TENM3: variants seen among roughly 807,000 people sequenced by gnomAD.
The protein encoded by TENM3 is teneurin transmembrane protein 3, also known as teneurin-3.
In TENM3, 63 loss-of-function variants were observed where a neutral mutation model predicts 255.1. That is an observed-to-expected ratio of 0.25 (90% confidence interval 0.20 to 0.30). The LOEUF (loss-of-function observed/expected upper bound fraction) is 0.30. TENM3 is among the 10% of genes least tolerant of loss of function. The pLI is 1.00. For missense variants in TENM3, 2,929 were observed against 3,461.1 expected (o/e 0.85, Z 3.86); for synonymous variants, 1,306 against 1,322.3 (o/e 0.99, Z 0.27).
At chr4:182,169,677 G>A (rs543831314) in intron 1 of TENM3, among the ~76,000 whole-genome samples, 5 of 152,064 alleles carry the variant, frequency 3.3e-5, no homozygotes, top group African/African-American at 4.8e-5. Flanking sequence ...AATAACTTCC[G>A]GTGTAATTTA....
Position 182,793,092 on chromosome 4 carries a change from A to C in TENM3, c.6420A>C (p.Thr2140=), listed in dbSNP as rs748069848. 3 of 1,614,012 alleles carry C rather than the reference A, an allele frequency of 1.9e-6. No homozygotes were observed. The highest frequency in any genetic ancestry group is 2.5e-6 in the Non-Finnish European group (3 of 1,179,896). ...ATGATGTTGATGGACAGCTCCAAAC[A>C]GTTTACCTCAATGAAAAGATAATGT... ...YEYDVDGQLQ[T]VYLNEKIMWR... is the part of the protein sequence containing the mutation. The change falls in exon 26 of 28, where the codon ACA becomes ACC. Residue 2140 remains threonine, a synonymous_variant. Transcript: ENST00000511685. This position sits in a 1 kb window ranked among gnomAD's most constrained non-coding sequence, Gnocchi z 5.7.
chr4:181,660,970 G>A, the TENM3 span, among the ~76,000 whole-genome samples: 1 of 152,046 alleles, frequency 6.6e-6, no homozygotes, highest in Non-Finnish European at 1.5e-5. Flanking sequence ...AATCCACAAT[G>A]CAACAAGCTT....
intron 3 of TENM3, among the ~76,000 whole-genome samples, chr4:182,592,748 A>G (rs2152391945): frequency 6.6e-6 from 1 of 152,298 alleles, no homozygotes; most frequent in Non-Finnish European, 1.5e-5. Context: ...ATATACAAAA[A>G]CAAAAAGTTT....
At chr4:181,627,408 C>T in the TENM3 span, among the ~76,000 whole-genome samples, 13 of 152,178 alleles carry the variant, frequency 8.5e-5, no homozygotes, top group African/African-American at 2.4e-4. Flanking sequence ...CATATGTATA[C>T]GTGTGCCATG....
intron 1 of TENM3, among the ~76,000 whole-genome samples, chr4:182,220,519 A>G (rs1755789920): frequency 6.6e-6 from 1 of 151,320 alleles, no homozygotes; most frequent in Admixed American, 6.6e-5. Flanking sequence ...CTCTTCTGGC[A>G]TCACGCAGCA....
chr4:181,567,100 CA>C, the TENM3 span, among the ~76,000 whole-genome samples: 1 of 152,110 alleles, frequency 6.6e-6, no homozygotes, highest in Non-Finnish European at 1.5e-5. Context: ...CTTTAGACAC[CA>C]TACTCTGATC....
At chr4:182,758,663 A>G (rs1762905970) in intron 22 of TENM3, among the ~76,000 whole-genome samples, 1 of 152,142 alleles carries the variant, frequency 6.6e-6, no homozygotes, top group Non-Finnish European at 1.5e-5. Flanking sequence ...TTTTTAGAGT[A>G]CCATGTGTCT....
the TENM3 span, among the ~76,000 whole-genome samples, chr4:181,648,194 A>T: frequency 6.6e-6 from 1 of 152,088 alleles, no homozygotes; most frequent in African/African-American, 2.4e-5. Context: ...GGTAATTATT[A>T]TGTCCGCACG....
the TENM3 span, among the ~76,000 whole-genome samples, chr4:181,519,394 T>A: frequency 6.6e-6 from 1 of 152,344 alleles, no homozygotes; most frequent in African/African-American, 2.4e-5. Flanking sequence ...TTGTAGCTAT[T>A]CTCATAATTA....
chr4:182,731,103 T>C lies in TENM3; in HGVS notation c.2931T>C (p.Ser977=), dbSNP rs1312506871. 1 of 1,613,922 alleles carries C rather than the reference T, an allele frequency of 6.2e-7. No homozygotes were observed. The highest frequency in any genetic ancestry group is 1.1e-5 in the South Asian group (1 of 91,080). Residue 977 remains serine, a synonymous_variant, in exon 16 of 28, where the codon TCT becomes TCC. Coordinates refer to ENST00000511685, the MANE Select transcript of TENM3 (RefSeq NM_001080477.4). Reference sequence around the variant, plus strand: ...CACCTTTATCCACCTTTTTCAGATCTTCTCCTGAAGACAGTCCCATCATTC... The same window carrying C: ...CACCTTTATCCACCTTTTTCAGATCCTCTCCTGAAGACAGTCCCATCATTC... ...VSSPLSTFFR[S]SPEDSPIIPE...
intron 3 of TENM3, among the ~76,000 whole-genome samples, chr4:182,429,660 T>C (rs976405739): frequency 2.0e-5 from 3 of 152,226 alleles, no homozygotes; most frequent in African/African-American, 7.2e-5. Context: ...GGAAAATTTC[T>C]AAATCTTTAT....
the TENM3 span, among the ~76,000 whole-genome samples, chr4:181,899,109 T>C: frequency 3.3e-5 from 5 of 152,020 alleles, no homozygotes; most frequent in South Asian, 2.1e-4. Flanking sequence ...TAAATACCAA[T>C]AATTTGGGCT....
At chr4:181,866,357 C>A in the TENM3 span, among the ~76,000 whole-genome samples, 1 of 152,166 alleles carries the variant, frequency 6.6e-6, no homozygotes, top group Non-Finnish European at 1.5e-5. Flanking sequence ...AACAACCAAA[C>A]CAACTGCTCC....
chr4:181,954,912 C>T, the TENM3 span, among the ~76,000 whole-genome samples: 5 of 152,132 alleles, frequency 3.3e-5, no homozygotes, highest in African/African-American at 4.8e-5. Context: ...GAGATACATT[C>T]GTTCATATAT....
chr4:181,931,974 C>A, the TENM3 span, among the ~76,000 whole-genome samples: 1 of 152,158 alleles, frequency 6.6e-6, no homozygotes, highest in African/African-American at 2.4e-5. Flanking sequence ...ATGCAGAAAA[C>A]TGAAACTGGA....
Position 182,679,873 on chromosome 4 carries a change from A to C in TENM3, c.1534A>C (p.Ile512Leu). ...GCAGGTGTCTTTTAATACCATTGTTATAGGTAAGAATAGTCTTCAAAGCAG... is the reference window on the plus strand; with the variant it reads ...GCAGGTGTCTTTTAATACCATTGTTCTAGGTAAGAATAGTCTTCAAAGCAG... ...AEQVSFNTIV[I>L]ESVVECPRNC... The change falls in exon 8 of 28, where the codon ATA becomes CTA. Residue 512 changes from isoleucine (I) to leucine (L), a missense_variant. Around this residue, in one of 6 missense-constraint regions of TENM3, gnomAD observed 1,608 missense variants for 1,884.4 expected, o/e 0.85. Transcript: ENST00000511685. 4 of 1,602,774 alleles carry C rather than the reference A, an allele frequency of 2.5e-6. No homozygotes were observed.
intron 1 of TENM3, among the ~76,000 whole-genome samples, chr4:182,305,657 G>T (rs1036858689): frequency 6.6e-6 from 1 of 152,142 alleles, no homozygotes; most frequent in Non-Finnish European, 1.5e-5. Flanking sequence ...CCGGTTACAC[G>T]CCTCTACTTC....
intron 1 of TENM3, among the ~76,000 whole-genome samples, chr4:182,236,174 A>T (rs552916893): frequency 5.9e-5 from 9 of 152,342 alleles, no homozygotes; most frequent in African/African-American, 1.9e-4. Flanking sequence ...AAATTTCCTG[A>T]GATTTTTAGC....
At chr4:182,441,721 C>T (rs1772503573) in intron 3 of TENM3, among the ~76,000 whole-genome samples, 1 of 152,164 alleles carries the variant, frequency 6.6e-6, no homozygotes. Context: ...TGGTCTTGAA[C>T]TCCTGACCTG....
Sources: allele counts gnomAD v4.1 joint callset (sites outside exome capture counted in the v4.1 genomes callset), GRCh38; gene constraint gnomAD v4.1.1; regional missense constraint gnomAD v4.1.1; non-coding constraint Gnocchi (gnomAD v3.1); transcripts MANE v1.5; gene names NCBI Gene and HGNC (gene_info 2026-07-23, HGNC 2026-07-21).